The following NR3C2 variants were observed in gnomAD, a reference collection of about 807,000 sequenced individuals.
The protein encoded by NR3C2 is mineralocorticoid receptor.
A neutral mutation model predicts 86.4 loss-of-function variants in NR3C2; 15 were observed. The ratio of observed to expected loss-of-function variants is 0.17; its 90% CI spans 0.12 to 0.27. The LOEUF is 0.27. Ranked by LOEUF, NR3C2 falls within the 10% of genes least tolerant of loss-of-function variation. The pLI, the probability that NR3C2 is intolerant of heterozygous loss-of-function variation, is 1.00. For synonymous variants in NR3C2, 458 were observed against 450.5 expected, an observed-to-expected ratio of 1.02 and a Z score of -0.21; for missense variants, 960 against 1,195.6, an observed-to-expected ratio of 0.80 and a Z score of 2.91.
intron 2 of NR3C2, among the ~76,000 whole-genome samples, chr4:148,429,845 T>C (rs1749717949): frequency 6.6e-6 from 1 of 152,192 alleles, no homozygotes; most frequent in Non-Finnish European, 1.5e-5. Flanking sequence ...TATTTTTCTC[T>C]CAATTTGAAT....
intron 2 of NR3C2, among the ~76,000 whole-genome samples, chr4:148,384,928 T>C (rs72656879): frequency 1.2e-3 from 179 of 152,340 alleles, no homozygotes; most frequent in African/African-American, 4.1e-3. Flanking sequence ...TGTACAACTC[T>C]ACTCATGTAA....
intron 2 of NR3C2, among the ~76,000 whole-genome samples, chr4:148,278,861 A>G (rs1442075399): frequency 2.7e-5 from 4 of 150,592 alleles, no homozygotes; most frequent in South Asian, 4.2e-4. Context: ...ACCAATAACC[A>G]CCCTTAAAAA....
chr4:148,231,148 C>T (rs1288078339), intron 3 of NR3C2, among the ~76,000 whole-genome samples: 1 of 152,172 alleles, frequency 6.6e-6, no homozygotes, highest in Admixed American at 6.5e-5. Flanking sequence ...AAGTGCAGTG[C>T]TCTAAACTGA....
chr4:148,399,877 G>T (rs1748054512), intron 2 of NR3C2, among the ~76,000 whole-genome samples: 1 of 152,184 alleles, frequency 6.6e-6, no homozygotes, highest in Non-Finnish European at 1.5e-5. Context: ...TGTAAATCTG[G>T]CACAGCTCAC....
At chr4:148,103,203 C>T (rs1731620093) in intron 8 of NR3C2, among the ~76,000 whole-genome samples, 1 of 152,208 alleles carries the variant, frequency 6.6e-6, no homozygotes, top group Admixed American at 6.5e-5. Flanking sequence ...CCTGCCACTT[C>T]CCTTTCCAGA....
intron 4 of NR3C2, among the ~76,000 whole-genome samples, chr4:148,169,506 TTATATA>T (rs1735029771): frequency 1.3e-5 from 2 of 151,096 alleles, no homozygotes; most frequent in South Asian, 4.1e-4. Context: ...TTATGATTTT[TTATATA>T]TATATAAAAT....
chr4:148,124,255 C>G (rs1032848992), intron 6 of NR3C2, among the ~76,000 whole-genome samples: 2 of 152,024 alleles, frequency 1.3e-5, no homozygotes, highest in Non-Finnish European at 2.9e-5. Context: ...CAAACCAAAC[C>G]AAACCAAACC....
intron 8 of NR3C2, among the ~76,000 whole-genome samples, chr4:148,101,934 T>C (rs1410188099): frequency 6.6e-6 from 1 of 152,134 alleles, no homozygotes; most frequent in Non-Finnish European, 1.5e-5. Flanking sequence ...GCTTCTAATA[T>C]AGATACTGGA....
chr4:148,393,300 G>A (rs1359459225), intron 2 of NR3C2, among the ~76,000 whole-genome samples: 1 of 152,168 alleles, frequency 6.6e-6, no homozygotes, highest in Non-Finnish European at 1.5e-5. Context: ...TAAATCAGTG[G>A]TTCTTGATGA....
intron 2 of NR3C2, among the ~76,000 whole-genome samples, chr4:148,377,359 T>G (rs1343254348): frequency 6.6e-6 from 1 of 152,202 alleles, no homozygotes; most frequent in Non-Finnish European, 1.5e-5. Context: ...TGGTGTTTCC[T>G]ATGGAATAAA....
intron 2 of NR3C2, among the ~76,000 whole-genome samples, chr4:148,414,455 T>A (rs1748896836): frequency 6.6e-6 from 1 of 152,156 alleles, no homozygotes. Flanking sequence ...TTAATTAATT[T>A]AAAAATAATA....
chr4:148,269,157 G>A (rs981101050), intron 2 of NR3C2, among the ~76,000 whole-genome samples: 4 of 152,142 alleles, frequency 2.6e-5, no homozygotes, highest in Non-Finnish European at 5.9e-5. Flanking sequence ...AACATTTCCA[G>A]TTAGGCAGGG....
At chr4:148,232,950 C>T (rs1738540341) in intron 3 of NR3C2, among the ~76,000 whole-genome samples, 1 of 152,204 alleles carries the variant, frequency 6.6e-6, no homozygotes, top group African/African-American at 2.4e-5. Context: ...TTAGCCTTCA[C>T]AGAATTGAAC....
At chr4:148,110,263 C>A (rs1247823823) in intron 8 of NR3C2, among the ~76,000 whole-genome samples, 9 of 152,182 alleles carry the variant, frequency 5.9e-5, no homozygotes, top group Non-Finnish European at 8.8e-5. Context: ...ACCTTGGGAC[C>A]ATTATTCCAG....
At position 148,081,244 on chromosome 4, in the gene NR3C2, G is replaced by GAATC. The variant is rs1730539471; in HGVS notation, c.*96_*99dup. 10 of 1,447,884 alleles carry GAATC rather than the reference G, an allele frequency of 6.9e-6. No individual in the cohort carries two copies. Among genetic ancestry groups the GAATC allele is most frequent in the Non-Finnish European group, 9.7e-6 (10 of 1,035,508 alleles). The allele number at this position is 1,447,884 out of a possible 1,614,324, so 89.7% of individuals were successfully genotyped here. On this transcript the variant is annotated 3_prime_UTR_variant, in exon 9 of 9. Coordinates refer to ENST00000358102, the MANE Select transcript of NR3C2 (RefSeq NM_000901.5). Reference sequence around the variant, plus strand: ...ACTTGAGAAACTGTTGAACAAGTGTGAATCAACCATCACATGTTAAAAACA... The same window carrying GAATC: ...ACTTGAGAAACTGTTGAACAAGTGTGAATCAATCAACCATCACATGTTAAAAACA...
intron 2 of NR3C2, among the ~76,000 whole-genome samples, chr4:148,404,905 A>G (rs767138907): frequency 2.0e-5 from 3 of 152,230 alleles, no homozygotes; most frequent in Non-Finnish European, 4.4e-5. Context: ...GCATAAATTT[A>G]GGAGAATCTT....
At chr4:148,136,065 A>AAC (rs1733306168) in intron 6 of NR3C2, among the ~76,000 whole-genome samples, 4 of 96,838 alleles carry the variant, frequency 4.1e-5, no homozygotes, top group Admixed American at 2.1e-4. Flanking sequence ...TCAAAAAAAA[A>AAC]AAAAAAAAAA....
chr4:148,444,201 T>G, upstream of NR3C2: 1 of 984,476 alleles, frequency 1.0e-6, no homozygotes, highest in Non-Finnish European at 1.2e-6. Flanking sequence ...GTTGCCGAAT[T>G]ATTCATTATT....
At chr4:148,147,785 G>C (rs1294810914) in intron 6 of NR3C2, among the ~76,000 whole-genome samples, 1 of 152,182 alleles carries the variant, frequency 6.6e-6, no homozygotes, top group East Asian at 1.9e-4. Context: ...ACGGGTAATG[G>C]CTCAGCGAAA....
Sources: gnomAD v4.1 joint callset for allele counts (sites outside exome capture counted in the v4.1 genomes callset) on GRCh38, gnomAD v4.1.1 for gene constraint, MANE v1.5 for transcripts, NCBI Gene and HGNC (gene_info 2026-07-23, HGNC 2026-07-21) for gene names.